The following INPP4A variants were observed in gnomAD, a reference collection of about 807,000 sequenced individuals.
INPP4A encodes the protein inositol polyphosphate-4-phosphatase, type I, 107kD.
In INPP4A, 33 loss-of-function variants were observed where a neutral mutation model predicts 119.8. The ratio of observed to expected loss-of-function variants is 0.28; its 90% CI spans 0.21 to 0.37. The LOEUF is 0.37. INPP4A is among the 10% of genes least tolerant of loss of function. The pLI, the probability that INPP4A is intolerant of heterozygous loss-of-function variation, is 1.00. For synonymous variants in INPP4A, 496 were observed against 500.7 expected, an observed-to-expected ratio of 0.99 and a Z score of 0.12; for missense variants, 956 against 1,289.9, an observed-to-expected ratio of 0.74 and a Z score of 3.97.
intron 10 of INPP4A, among the ~76,000 whole-genome samples, chr2:98,541,187 C>T (rs1214192482): frequency 2.0e-5 from 3 of 152,002 alleles, no homozygotes; most frequent in Non-Finnish European, 2.9e-5. Flanking sequence ...ATTAGCCGGG[C>T]GCGGTGGTGG....
rs142893273 is a variant in INPP4A at position 98,464,327 on chromosome 2, C to T, written c.-166+19242C>T. On this transcript the variant is annotated intron_variant, in intron 1 of 24. Transcript: ENST00000409851. ...GCCCCAGGGTCTGCATGATGGAGGC[C>T]GAGCACGACGGAGGAAGTGGAATTA... is the stretch of plus-strand genomic sequence containing the variant. Among the ~76,000 whole-genome samples, 1,068 of 152,144 alleles carry T rather than the reference C, an allele frequency of 7.0e-3. 12 individuals carry two copies. The highest frequency in any genetic ancestry group is 0.025 in the African/African-American group (1,026 of 41,472).
At chr2:98,540,272 GA>G (rs1231632478) in intron 10 of INPP4A, among the ~76,000 whole-genome samples, 1 of 152,092 alleles carries the variant, frequency 6.6e-6, no homozygotes, top group East Asian at 1.9e-4. Context: ...TGGTCCTTCA[GA>G]AAGTTAGAAA....
chr2:98,577,284 C>T (rs1698582800), intron 24 of INPP4A, 141 bp downstream of exon 24: 1 of 858,382 alleles, frequency 1.2e-6, no homozygotes, highest in South Asian at 2.1e-5. Flanking sequence ...TTTGACAAAC[C>T]CGTCAAACTA....
chr2:98,456,968 G>A (rs1396366630), intron 1 of INPP4A, among the ~76,000 whole-genome samples: 4 of 152,130 alleles, frequency 2.6e-5, no homozygotes, highest in Non-Finnish European at 5.9e-5. Flanking sequence ...AAGTGGTGAG[G>A]GGCCACTTCA....
intron 1 of INPP4A, among the ~76,000 whole-genome samples, chr2:98,491,319 G>C (rs561213660): frequency 3.9e-5 from 6 of 152,222 alleles, no homozygotes; most frequent in African/African-American, 9.6e-5. Context: ...CATCCTGGAC[G>C]CAGCGCCACG....
Position 98,520,144 on chromosome 2 carries a change from C to T in INPP4A, c.96C>T (p.Leu32=), listed in dbSNP as rs1686902713. ...TIDVAADMLG[L]SLAGNIQDPD... is the part of the protein sequence containing the mutation. ...ACGTGGCGGCCGACATGCTGGGCCTCTCTCTGGCAGGTGAGCCTCACAGGG... is the reference window on the plus strand; with the variant it reads ...ACGTGGCGGCCGACATGCTGGGCCTTTCTCTGGCAGGTGAGCCTCACAGGG... Residue 32 remains leucine, a synonymous_variant, in exon 3 of 25, where the codon CTC becomes CTT. Coordinates refer to ENST00000409851, the MANE Select transcript of INPP4A (RefSeq NM_001134225.2). 6 of 1,557,586 alleles carry T rather than the reference C, an allele frequency of 3.9e-6. No individual in the cohort carries two copies. Among genetic ancestry groups the T allele is most frequent in the African/African-American group, 1.4e-5 (1 of 73,420 alleles).
In INPP4A at chr2:98,568,886, A is replaced by G. The variant is rs372261871; in HGVS notation, c.2518+218A>G. The G allele has an allele frequency of 8.1e-4, 406 of 501,754 alleles. 1 individual carries two copies. The highest frequency in any genetic ancestry group is 7.2e-3 in the African/African-American group (374 of 51,984). The allele number at this position is 501,754 out of a possible 1,614,324, so 31.1% of individuals were successfully genotyped here. ...TTTGCTGTCGATTCTCTACTAGCCT[A>G]TGTGACATGGCTCCTTCCCATGCTG... On this transcript the variant is annotated intron_variant, in intron 22 of 24. Coordinates refer to ENST00000409851, the MANE Select transcript of INPP4A (RefSeq NM_001134225.2).
chr2:98,561,143 G>T (rs1305344484), intron 17 of INPP4A, among the ~76,000 whole-genome samples: 1 of 152,184 alleles, frequency 6.6e-6, no homozygotes, highest in African/African-American at 2.4e-5. Flanking sequence ...GCAAAGTACG[G>T]ATTTGAAAGT....
At chr2:98,525,434 T>G (rs1208501063) in intron 4 of INPP4A, among the ~76,000 whole-genome samples, 1 of 152,242 alleles carries the variant, frequency 6.6e-6, no homozygotes, top group East Asian at 1.9e-4. Context: ...CCTTTTGCCA[T>G]GTAATGTAAT....
intron 1 of INPP4A, among the ~76,000 whole-genome samples, chr2:98,472,719 G>T (rs1288695792): frequency 6.6e-6 from 1 of 152,264 alleles, no homozygotes; most frequent in African/African-American, 2.4e-5. Flanking sequence ...CTGCAGAAAG[G>T]AGGAGTGAGG....
intron 1 of INPP4A, among the ~76,000 whole-genome samples, chr2:98,478,081 C>T (rs886735418): frequency 6.6e-6 from 1 of 152,264 alleles, no homozygotes; most frequent in Admixed American, 6.5e-5. Flanking sequence ...TATTGAGGAA[C>T]TGCCTCTGAT....
intron 1 of INPP4A, among the ~76,000 whole-genome samples, chr2:98,455,973 A>G (rs971004064): frequency 7.9e-5 from 12 of 152,126 alleles, no homozygotes; most frequent in Admixed American, 2.0e-4. Context: ...GCCTCTCTCC[A>G]TCACTCCTTC....
chr2:98,581,965 T>C, intron 24 of INPP4A: 1 of 784,114 alleles, frequency 1.3e-6, no homozygotes, highest in Non-Finnish European at 1.9e-6. Flanking sequence ...TTAGCTCCTG[T>C]AGCATCTTCA....
At chr2:98,486,697 A>G (rs556587204) in intron 1 of INPP4A, among the ~76,000 whole-genome samples, 5 of 152,398 alleles carry the variant, frequency 3.3e-5, no homozygotes, top group African/African-American at 4.8e-5. Flanking sequence ...GCCAGATTAC[A>G]TAAAAGGCAA....
At chr2:98,517,696 C>A (rs1686410608) in intron 1 of INPP4A, among the ~76,000 whole-genome samples, 1 of 152,192 alleles carries the variant, frequency 6.6e-6, no homozygotes, top group Admixed American at 6.5e-5. Context: ...ACATTCTTTT[C>A]TTACCTATAG....
intron 1 of INPP4A, among the ~76,000 whole-genome samples, chr2:98,463,266 C>T (rs1049016829): frequency 6.6e-6 from 1 of 152,236 alleles, no homozygotes; most frequent in Non-Finnish European, 1.5e-5. Flanking sequence ...GCGGCCAACT[C>T]AAGCTGCAGG....
rs896196313 is a variant in INPP4A at position 98,536,021 on chromosome 2, G to T, written c.388-108G>T. The stretch of plus-strand genomic sequence containing the variant: ...TTCCCATTGGGCTTCTGACATAAGG[G>T]TAAGAGGTGTTGTGGGAAGCAGTCA... On this transcript the variant is annotated intron_variant, in intron 6 of 24. Coordinates refer to ENST00000409851, the MANE Select transcript of INPP4A (RefSeq NM_001134225.2). The T allele has an allele frequency of 2.5e-5, 19 of 756,388 alleles. No individual in the cohort carries two copies. The East Asian group carries it at 5.1e-4, about 20-fold the overall frequency. The allele number at this position is 756,388 out of a possible 1,614,324, so 46.9% of individuals were successfully genotyped here. A position where few individuals can be genotyped will look rare whatever the true frequency, so the allele number is the denominator to read the frequency against.
intron 1 of INPP4A, among the ~76,000 whole-genome samples, chr2:98,473,299 C>CG (rs959754830): frequency 6.1e-4 from 15 of 24,712 alleles, no homozygotes; most frequent in African/African-American, 2.3e-3. Flanking sequence ...GAGAGTGTGG[C>CG]GGGTAGTGCG....
At chr2:98,504,003 A>G (rs1321821092) in intron 1 of INPP4A, among the ~76,000 whole-genome samples, 3 of 152,264 alleles carry the variant, frequency 2.0e-5, no homozygotes, top group Non-Finnish European at 4.4e-5. Flanking sequence ...AAGGAAGGGC[A>G]TGGGCCTCAG....
Sources: gnomAD v4.1 joint callset for allele counts (sites outside exome capture counted in the v4.1 genomes callset) on GRCh38, gnomAD v4.1.1 for gene constraint, MANE v1.5 for transcripts, NCBI Gene and HGNC (gene_info 2026-07-23, HGNC 2026-07-21) for gene names.